The following ZNF778 variants were observed in gnomAD, a reference collection of about 807,000 sequenced individuals.
ZNF778 encodes zinc finger protein 778.
Under a neutral mutation model 23.9 loss-of-function variants are expected in ZNF778, and 37 were observed. The ratio of observed to expected loss-of-function variants is 1.54; its 90% CI spans 1.19 to 2.03. ZNF778 has a LOEUF of 2.03. Among genes scored for constraint, ZNF778 ranks in the 30% most tolerant of loss-of-function variants. The pLI is 0.00. For missense variants in ZNF778, 1,297 were observed against 934.4 expected (o/e 1.39, Z -5.06); for synonymous variants, 483 against 343.9 (o/e 1.40, Z -4.48).
intron 2 of ZNF778, among the ~76,000 whole-genome samples, chr16:89,221,637 C>A (rs2030960189): frequency 1.5e-5 from 2 of 134,766 alleles, no homozygotes; most frequent in South Asian, 4.8e-4. Flanking sequence ...CTATATTTTC[C>A]TGAGGCATTG....
chr16:89,223,967 T>A (rs1383905690), intron 4 of ZNF778, among the ~76,000 whole-genome samples: 3 of 151,608 alleles, frequency 2.0e-5, no homozygotes, highest in Non-Finnish European at 4.4e-5. Context: ...CTCAGGGCTG[T>A]AATCCCAGCA....
In ZNF778 at chr16:89,231,776, C is replaced by G. The variant is rs1466442728; in HGVS notation, c.*3214C>G. On this transcript the variant is annotated 3_prime_UTR_variant, in exon 7 of 7. Coordinates refer to ENST00000433976, the MANE Select transcript of ZNF778 (RefSeq NM_001201407.2). ...GGAGGTGCCCGCCTCCTATCAGCCTCTGGGAAGGCCACTGTCTCCCCAGTG... is the reference window on the plus strand; with the variant it reads ...GGAGGTGCCCGCCTCCTATCAGCCTGTGGGAAGGCCACTGTCTCCCCAGTG... 6.6e-6 allele frequency: 1 copy of G among 152,206 alleles called. No homozygotes were observed. Among genetic ancestry groups the G allele is most frequent in the East Asian group, 1.9e-4 (1 of 5,184 alleles). The allele number at this position is 152,206 out of a possible 1,614,324, so 9.4% of individuals were successfully genotyped here. A position where few individuals can be genotyped will look rare whatever the true frequency, so the allele number is the denominator to read the frequency against.
rs941512174 is a variant in ZNF778, at chr16:89,236,459, C to T, written c.*7897C>T. The T allele has an allele frequency of 7.9e-5, 12 of 152,104 alleles. No homozygotes were observed. Among genetic ancestry groups the T allele is most frequent in the African/African-American group, 2.9e-4 (12 of 41,420 alleles). 9.4% of individuals were successfully genotyped at this position (152,104 alleles called of 1,614,324 possible). A position where few individuals can be genotyped will look rare whatever the true frequency, so the allele number is the denominator to read the frequency against. Reference sequence around the variant, plus strand: ...AACGATGAGGCAATACAAAGAATTGCCTGCAGACCTGGTTTAAATAAATGG... The same window carrying T: ...AACGATGAGGCAATACAAAGAATTGTCTGCAGACCTGGTTTAAATAAATGG... On this transcript the variant is annotated 3_prime_UTR_variant, in exon 7 of 7. Coordinates refer to ENST00000433976, the MANE Select transcript of ZNF778 (RefSeq NM_001201407.2).
At position 89,232,860 on chromosome 16, in the gene ZNF778, A is replaced by ATCAACTCGTACTGCGTATGCAAC. The variant is rs2032002989; in HGVS notation, c.*4306_*4307insTACTGCGTATGCAACTCAACTCG. On this transcript the variant is annotated 3_prime_UTR_variant, in exon 7 of 7. Coordinates refer to ENST00000433976, the MANE Select transcript of ZNF778 (RefSeq NM_001201407.2). The stretch of plus-strand genomic sequence containing the variant: ...AACTCAACTCACACCGTGTATGCAA[A>ATCAACTCGTACTGCGTATGCAAC]TCAACTCGCACTGCGTATGCAACTC... The ATCAACTCGTACTGCGTATGCAAC allele has an allele frequency of 8.8e-7, 1 of 1,141,174 alleles. No individual in the cohort carries two copies. The highest frequency in any genetic ancestry group is 1.8e-5 in the African/African-American group (1 of 56,492). 70.7% of individuals were successfully genotyped at this position (1,141,174 alleles called of 1,614,324 possible).
At position 89,226,928 on chromosome 16, in the gene ZNF778, G is replaced by C; in HGVS notation, c.640G>C (p.Val214Leu). Residue 214 changes from valine (V) to leucine (L), a missense_variant, in exon 7 of 7, where the codon GTT (valine) becomes CTT (leucine). Physicochemically the swap from Val to Leu is conservative, Grantham distance 32. Transcript: ENST00000433976. ...AGCCTTCAGCTCTACTCCAAATGTT[G>C]TTTCCCAGCAAGCATGCACTCGGGA... ...GKAFSSTPNVVSQQACTRDRS... is the reference protein window; with the variant it reads ...GKAFSSTPNVLSQQACTRDRS... 1 of 1,614,002 alleles carries C rather than the reference G, an allele frequency of 6.2e-7. No individual in the cohort carries two copies. Among genetic ancestry groups the C allele is most frequent in the African/African-American group, 1.3e-5 (1 of 75,042 alleles).
chr16:89,236,153 G>A lies in ZNF778; in HGVS notation c.*7591G>A, dbSNP rs1316244959. On this transcript the variant is annotated 3_prime_UTR_variant, in exon 7 of 7. Coordinates refer to ENST00000433976, the MANE Select transcript of ZNF778 (RefSeq NM_001201407.2). ...GATTGCACCACTGCACTCCAGCCTG[G>A]GCAACAGAGCGAGACTCTGTCTCAA... The A allele has an allele frequency of 1.3e-5, 2 of 152,278 alleles. No individual in the cohort carries two copies. Among genetic ancestry groups the A allele is most frequent in the Admixed American group, 6.6e-5 (1 of 15,262 alleles). 9.4% of individuals were successfully genotyped at this position (152,278 alleles called of 1,614,324 possible). A position where few individuals can be genotyped will look rare whatever the true frequency, so the allele number is the denominator to read the frequency against.
chr16:89,235,193 C>T lies in ZNF778; in HGVS notation c.*6631C>T, dbSNP rs993742107. 3 of 152,038 alleles carry T rather than the reference C, an allele frequency of 2.0e-5. No homozygotes were observed. Among genetic ancestry groups the T allele is most frequent in the Non-Finnish European group, 2.9e-5 (2 of 68,010 alleles). The allele number at this position is 152,038 out of a possible 1,614,324, so 9.4% of individuals were successfully genotyped here. On this transcript the variant is annotated 3_prime_UTR_variant, in exon 7 of 7. Coordinates refer to ENST00000433976, the MANE Select transcript of ZNF778 (RefSeq NM_001201407.2). ...GAAGAAAAGAGGTTTATTTTGTTCA[C>T]AATTCTGAAGGCCTGGAGGGTCCCA...
At chr16:89,225,272 C>T (rs1004591019) in intron 5 of ZNF778, among the ~76,000 whole-genome samples, 3 of 151,826 alleles carry the variant, frequency 2.0e-5, no homozygotes, top group Non-Finnish European at 4.4e-5. Context: ...CGTGCTGCCA[C>T]GCCTGGCCAA....
chr16:89,224,883 G>A, intron 5 of ZNF778, 81 bp downstream of exon 5: 4 of 1,026,376 alleles, frequency 3.9e-6, no homozygotes, highest in Non-Finnish European at 5.8e-6. Flanking sequence ...AGCGGCTATG[G>A]AAGGATTGTG....
At chr16:89,226,129 C>T (rs758137564) in intron 6 of ZNF778, among the ~76,000 whole-genome samples, 12 of 151,312 alleles carry the variant, frequency 7.9e-5, no homozygotes, top group Admixed American at 2.0e-4. Flanking sequence ...CCAGGATGGT[C>T]TCGATCTCTT....
intron 4 of ZNF778, among the ~76,000 whole-genome samples, chr16:89,224,085 GT>G (rs1252792010): frequency 6.6e-6 from 1 of 151,446 alleles, no homozygotes; most frequent in African/African-American, 2.4e-5. Context: ...GCTGGGTGCA[GT>G]GGCTCAGGGC....
rs1343182095 is a variant in ZNF778 at position 89,228,311 on chromosome 16, T to C, written c.2023T>C (p.Cys675Arg). Reference sequence around the variant, plus strand: ...TCACACAGGAGAGAAACCTTACATATGTAACGAGTGTGGGAAAGCCTTCCG... The same window carrying C: ...TCACACAGGAGAGAAACCTTACATACGTAACGAGTGTGGGAAAGCCTTCCG... ...RTHTGEKPYI[C>R]NECGKAFRAS... Residue 675 changes from cysteine (C) to arginine (R), a missense_variant, in exon 7 of 7, where the codon TGT (cysteine) becomes CGT (arginine). Cys to Arg is a radical substitution (Grantham distance 180, BLOSUM62 -3). Coordinates refer to ENST00000433976, the MANE Select transcript of ZNF778 (RefSeq NM_001201407.2). 11 of 1,606,772 alleles carry C rather than the reference T, an allele frequency of 6.8e-6. No homozygotes were observed. Among genetic ancestry groups the C allele is most frequent in the South Asian group, 4.4e-5 (4 of 90,644 alleles).
chr16:89,225,848 G>A (rs1164421705), intron 6 of ZNF778, among the ~76,000 whole-genome samples: 1 of 152,006 alleles, frequency 6.6e-6, no homozygotes, highest in Non-Finnish European at 1.5e-5. Context: ...CACATGACGA[G>A]GTCTTGAGAT....
At chr16:89,220,453 C>T (rs1326175413) in intron 1 of ZNF778, among the ~76,000 whole-genome samples, 2 of 152,122 alleles carry the variant, frequency 1.3e-5, no homozygotes, top group African/African-American at 4.8e-5. Context: ...GTCAGGAGAT[C>T]AAGACCATCC....
intron 1 of ZNF778, among the ~76,000 whole-genome samples, chr16:89,220,585 G>T (rs2030833881): frequency 6.6e-6 from 1 of 152,206 alleles, no homozygotes; most frequent in African/African-American, 2.4e-5. Flanking sequence ...TTGAACCTGG[G>T]AGGCAGAGGT....
At position 89,229,115 on chromosome 16, in the gene ZNF778, T is replaced by C. The variant is rs761261659; in HGVS notation, c.*553T>C. 9.1e-6 allele frequency: 9 copies of C among 986,092 alleles called. No individual in the cohort carries two copies. The highest frequency in any genetic ancestry group is 1.1e-5 in the Non-Finnish European group (9 of 830,450). The allele number at this position is 986,092 out of a possible 1,614,324, so 61.1% of individuals were successfully genotyped here. On this transcript the variant is annotated 3_prime_UTR_variant, in exon 7 of 7. Coordinates refer to ENST00000433976, the MANE Select transcript of ZNF778 (RefSeq NM_001201407.2). The stretch of plus-strand genomic sequence containing the variant: ...TTCTTGGAGTGAGGACTCTGTTCCC[T>C]GTAGAAATCCTCCAGTCTGGTTGCT...
chr16:89,226,680 T>C lies in ZNF778; in HGVS notation c.406-14T>C. 6.2e-7 allele frequency: 1 copy of C among 1,600,502 alleles called. No individual in the cohort carries two copies. On this transcript the variant is annotated splice_polypyrimidine_tract_variant and intron_variant, in intron 6 of 6. Coordinates refer to ENST00000433976, the MANE Select transcript of ZNF778 (RefSeq NM_001201407.2). ...TCAGTAACCCCCTGACCACCACTCA[T>C]TCTTCACCAACAGGCAAGAAGCCAC...
chr16:89,224,792 A>C lies in ZNF778; in HGVS notation c.318A>C (p.Ala106=). The C allele has an allele frequency of 1.4e-6, 2 of 1,437,680 alleles. No individual in the cohort carries two copies. The highest frequency in any genetic ancestry group is 2.7e-5 in the East Asian group (1 of 37,046). The allele number at this position is 1,437,680 out of a possible 1,614,324, so 89.1% of individuals were successfully genotyped here. Reference sequence around the variant, plus strand: ...AGGAGTTGAGGGCAGGGCGGAGAGCAGTTCTCCAAGGTAAGTGTGAAGAGC... The same window carrying C: ...AGGAGTTGAGGGCAGGGCGGAGAGCCGTTCTCCAAGGTAAGTGTGAAGAGC... The part of the protein sequence containing the change: ...QEEELRAGRR[A]VLQEWRLKTK... The change falls in exon 5 of 7, where the codon GCA becomes GCC. Residue 106 remains alanine, a synonymous_variant. Transcript: ENST00000433976.
intron 5 of ZNF778, 107 bp downstream of exon 5, chr16:89,224,909 G>A (rs975288862): frequency 6.4e-6 from 5 of 786,866 alleles, no homozygotes; most frequent in African/African-American, 3.5e-5. Flanking sequence ...TTAAGCGGCT[G>A]TGGGAGGATC....
Sources: allele counts gnomAD v4.1 joint callset (sites outside exome capture counted in the v4.1 genomes callset), GRCh38; gene constraint gnomAD v4.1.1; transcripts MANE v1.5; gene names NCBI Gene and HGNC (gene_info 2026-07-23, HGNC 2026-07-21).